The following EPS15L1 variants were observed in gnomAD, a reference collection of about 807,000 sequenced individuals.
EPS15L1 encodes epidermal growth factor receptor pathway substrate 15 like 1.
A neutral mutation model predicts 117.1 loss-of-function variants in EPS15L1; 43 were observed. The ratio of observed to expected loss-of-function variants is 0.37; its 90% CI spans 0.29 to 0.47. EPS15L1 has a LOEUF of 0.47. Among genes scored for constraint, EPS15L1 ranks in the 20% least tolerant of loss-of-function variants. The probability of loss-of-function intolerance (pLI) is 0.99; values close to 1 mark genes in which losing one functional copy is unlikely to be tolerated. For synonymous variants in EPS15L1, 459 were observed against 470.5 expected (o/e 0.98, Z 0.32); for missense variants, 981 against 1,164.0 (o/e 0.84, Z 2.29).
At chr19:16,465,392 A>T (rs891984154) in intron 1 of EPS15L1, among the ~76,000 whole-genome samples, 4 of 152,190 alleles carry the variant, frequency 2.6e-5, no homozygotes, top group African/African-American at 9.6e-5. Flanking sequence ...GGATTCTCCT[A>T]AAGACAACTG....
At chr19:16,435,136 G>A (rs1394677410) in intron 6 of EPS15L1, 2 of 152,102 alleles carry the variant, frequency 1.3e-5, no homozygotes, top group East Asian at 1.9e-4. Flanking sequence ...ATTTTTTGTA[G>A]AGATGGTGTT....
chr19:16,375,838 G>C (rs1347561338), intron 22 of EPS15L1, among the ~76,000 whole-genome samples: 1 of 152,178 alleles, frequency 6.6e-6, no homozygotes, highest in East Asian at 1.9e-4. Context: ...CTGAGAGAAG[G>C]CCATGGCCAG....
Position 16,371,967 on chromosome 19 carries a change from TGAAAGAAACCA to T in EPS15L1, c.2380+5144_2380+5154del, listed in dbSNP as rs1443164863. On this transcript the variant is annotated intron_variant, in intron 22 of 23. Coordinates refer to ENST00000455140, the MANE Select transcript of EPS15L1 (RefSeq NM_001258374.3). The surrounding 1 kb of genome is among the most constrained non-coding windows in gnomAD (Gnocchi z 4.7). Reference sequence around the variant, plus strand: ...CTGCCGGGTCTGTGCTGCATCTGCCTGAAAGAAACCAGTTTCTTCTGCCCAAAACAGACACC... The same window carrying T: ...CTGCCGGGTCTGTGCTGCATCTGCCTGTTTCTTCTGCCCAAAACAGACACC... Among the ~76,000 whole-genome samples, 1 of 152,222 alleles carries T rather than the reference TGAAAGAAACCA, an allele frequency of 6.6e-6. No homozygotes were observed. The highest frequency in any genetic ancestry group is 1.5e-5 in the Non-Finnish European group (1 of 68,028).
intron 9 of EPS15L1, among the ~76,000 whole-genome samples, chr19:16,424,304 G>C (rs1358914906): frequency 6.6e-6 from 1 of 152,126 alleles, no homozygotes; most frequent in Non-Finnish European, 1.5e-5. Flanking sequence ...ATGCCGTCGT[G>C]GGGGCAGGAG....
intron 9 of EPS15L1, among the ~76,000 whole-genome samples, chr19:16,424,666 C>A (rs2092851222): frequency 6.8e-6 from 1 of 146,902 alleles, no homozygotes; most frequent in Admixed American, 6.8e-5. Context: ...TAAATGAATA[C>A]TTTTTTTTTT....
chr19:16,395,715 A>C (rs2092532826), intron 16 of EPS15L1, among the ~76,000 whole-genome samples: 3 of 152,148 alleles, frequency 2.0e-5, no homozygotes, highest in Admixed American at 2.0e-4. Flanking sequence ...AGGCCAAAGC[A>C]GGTGGATCAC....
intron 1 of EPS15L1, among the ~76,000 whole-genome samples, chr19:16,455,139 A>G (rs889275962): frequency 1.3e-5 from 2 of 151,974 alleles, no homozygotes; most frequent in African/African-American, 2.4e-5. Flanking sequence ...CAAAAAAAAA[A>G]AGAGAGACAG....
chr19:16,393,774 G>T (rs541046376), intron 18 of EPS15L1, among the ~76,000 whole-genome samples, 177 bp downstream of exon 18: 1 of 152,126 alleles, frequency 6.6e-6, no homozygotes, highest in African/African-American at 2.4e-5. Flanking sequence ...CTGGGGAGGG[G>T]AGCCACCTCC....
chr19:16,399,882 G>A (rs956282304), intron 16 of EPS15L1, among the ~76,000 whole-genome samples: 11 of 151,964 alleles, frequency 7.2e-5, no homozygotes, highest in Non-Finnish European at 1.3e-4. Flanking sequence ...CATGCCACTG[G>A]GTCTGGATGT....
intron 9 of EPS15L1, 119 bp downstream of exon 9, chr19:16,424,964 A>G: frequency 3.1e-6 from 3 of 963,248 alleles, no homozygotes; most frequent in Non-Finnish European, 4.9e-6. Flanking sequence ...CCTGGCCACA[A>G]GCATTTTTTA....
chr19:16,424,189 C>T (rs910935549), intron 9 of EPS15L1, among the ~76,000 whole-genome samples: 3 of 152,120 alleles, frequency 2.0e-5, no homozygotes, highest in Admixed American at 6.5e-5. Context: ...CTTGGGAGGC[C>T]CAGACAAGAG....
intron 1 of EPS15L1, among the ~76,000 whole-genome samples, chr19:16,450,524 A>C (rs1264462268): frequency 8.2e-6 from 1 of 122,192 alleles, no homozygotes; most frequent in African/African-American, 3.3e-5. Flanking sequence ...TTTGTTGCCC[A>C]GGCTGGAGTG....
chr19:16,394,515 C>T (rs1030467700), intron 17 of EPS15L1, among the ~76,000 whole-genome samples: 2 of 152,216 alleles, frequency 1.3e-5, no homozygotes, highest in African/African-American at 2.4e-5. Flanking sequence ...CTCTCCCCAC[C>T]TCAGTGTTTT....
At chr19:16,395,622 G>C (rs2092532059) in intron 16 of EPS15L1, among the ~76,000 whole-genome samples, 155 bp from the exon 17 acceptor site, 1 of 152,048 alleles carries the variant, frequency 6.6e-6, no homozygotes, top group Non-Finnish European at 1.5e-5. Context: ...GGGCAACATA[G>C]CAAAATCCCA....
intron 10 of EPS15L1, among the ~76,000 whole-genome samples, chr19:16,420,660 CT>C (rs1185424119): frequency 2.0e-5 from 3 of 152,258 alleles, no homozygotes; most frequent in Non-Finnish European, 4.4e-5. Flanking sequence ...CAATTCTTTC[CT>C]TTTGATAGCT....
At chr19:16,369,286 C>A (rs1032584417) in intron 22 of EPS15L1, among the ~76,000 whole-genome samples, 9 of 152,154 alleles carry the variant, frequency 5.9e-5, no homozygotes, top group African/African-American at 1.7e-4. Flanking sequence ...GAGGTCCCTG[C>A]GATCGCAGCG....
chr19:16,377,629 A>C (rs565631292), intron 21 of EPS15L1, among the ~76,000 whole-genome samples: 5 of 152,158 alleles, frequency 3.3e-5, no homozygotes, highest in African/African-American at 1.2e-4. Flanking sequence ...GACACGCCCC[A>C]CCCTCACCTG....
rs1049370174 is a variant in EPS15L1, at chr19:16,412,099, ATTTTTTAT to A, written c.1266+1666_1266+1673del. Among the ~76,000 whole-genome samples, 24 of 152,228 alleles carry A rather than the reference ATTTTTTAT, an allele frequency of 1.6e-4. 1 individual carries two copies. Among genetic ancestry groups the A allele is most frequent in the African/African-American group, 4.3e-4 (18 of 41,542 alleles). ...TTGTATTGTTTCATCAATTTGGATT[ATTTTTTAT>A]TTTTTTATTTTTTTAATCTGTGGTT... On this transcript the variant is annotated intron_variant, in intron 13 of 23. Transcript: ENST00000455140.
rs751333173 is a variant in EPS15L1 at position 16,371,346 on chromosome 19, G to A, written c.2380+5776C>T. Among the ~76,000 whole-genome samples, 5 of 152,328 alleles carry A rather than the reference G, an allele frequency of 3.3e-5. No homozygotes were observed. The highest frequency in any genetic ancestry group is 1.9e-4 in the East Asian group (1 of 5,194). On this transcript the variant is annotated intron_variant, in intron 22 of 23. Transcript: ENST00000455140. The surrounding 1 kb of genome is among the most constrained non-coding windows in gnomAD (Gnocchi z 4.7). ...CTGGGTGGATGCCACACACAGGTAC[G>A]GGAGGGGCTTGTTTGCAAGGGGAAG...
Sources: allele counts gnomAD v4.1 joint callset (sites outside exome capture counted in the v4.1 genomes callset), GRCh38; gene constraint gnomAD v4.1.1; non-coding constraint Gnocchi (gnomAD v3.1); transcripts MANE v1.5; gene names NCBI Gene and HGNC (gene_info 2026-07-23, HGNC 2026-07-21).